The following CSGALNACT1 variants were observed in gnomAD, a reference collection of about 807,000 sequenced individuals.
The protein encoded by CSGALNACT1 is chondroitin sulfate N-acetylgalactosaminyltransferase 1, also known as beta4GalNAcT-1.
CSGALNACT1 carries 52 observed loss-of-function variants against 51.0 expected under a neutral mutation model. The observed-to-expected ratio is 1.02, with a 90% CI of 0.82 to 1.29. The LOEUF is 1.29. CSGALNACT1 is among the 50% of genes most tolerant of loss of function. CSGALNACT1 has a pLI of 0.00. For missense variants in CSGALNACT1, 935 were observed against 679.2 expected, an observed-to-expected ratio of 1.38 and a Z score of -4.19; for synonymous variants, 341 against 254.4, an observed-to-expected ratio of 1.34 and a Z score of -3.24.
At chr8:19,482,622 G>A (rs865804050) in intron 4 of CSGALNACT1, among the ~76,000 whole-genome samples, 7 of 151,930 alleles carry the variant, frequency 4.6e-5, no homozygotes, top group Non-Finnish European at 1.0e-4. Flanking sequence ...TCCCTCTTTG[G>A]CTGTTCCTTT....
At chr8:19,469,577 G>A (rs1323638680) in intron 4 of CSGALNACT1, among the ~76,000 whole-genome samples, 3 of 152,144 alleles carry the variant, frequency 2.0e-5, no homozygotes, top group Non-Finnish European at 4.4e-5. Context: ...CCTTGAAAAT[G>A]TCAAGTTTAT....
intron 1 of CSGALNACT1, among the ~76,000 whole-genome samples, chr8:19,612,248 CGA>C (rs1454308377): frequency 6.6e-6 from 1 of 151,680 alleles, no homozygotes; most frequent in East Asian, 1.9e-4. Flanking sequence ...GTGCCTGAGG[CGA>C]GAGAATTGCT....
chr8:19,661,857 C>T (rs754753114), intron 1 of CSGALNACT1, among the ~76,000 whole-genome samples: 2 of 152,146 alleles, frequency 1.3e-5, no homozygotes, highest in Non-Finnish European at 2.9e-5. Flanking sequence ...GTGTCTGGGC[C>T]TCTATGTGAA....
intron 1 of CSGALNACT1, among the ~76,000 whole-genome samples, chr8:19,647,707 T>C (rs1482503848): frequency 1.3e-5 from 2 of 152,166 alleles, no homozygotes; most frequent in African/African-American, 4.8e-5. Flanking sequence ...ATATCTTCAA[T>C]TACCCCAACA....
intron 1 of CSGALNACT1, among the ~76,000 whole-genome samples, chr8:19,623,790 A>C (rs1225218874): frequency 1.3e-5 from 2 of 152,244 alleles, no homozygotes; most frequent in African/African-American, 4.8e-5. Flanking sequence ...CGGAGGGGAA[A>C]TCTCTAAGCC....
At chr8:19,431,984 A>C (rs749573685) in intron 6 of CSGALNACT1, among the ~76,000 whole-genome samples, 1 of 152,030 alleles carries the variant, frequency 6.6e-6, no homozygotes, top group Non-Finnish European at 1.5e-5. Context: ...CTGTCTTTTA[A>C]ATCAGCACAA....
exon 4 of CSGALNACT1, chr8:19,505,743 A>G: frequency 6.2e-7 from 1 of 1,614,158 alleles, no homozygotes; most frequent in Non-Finnish European, 8.5e-7. Context: ...GCAGGCCAAC[A>G]TGTACAGGAC....
intron 3 of CSGALNACT1, among the ~76,000 whole-genome samples, chr8:19,574,033 G>T (rs141760197): frequency 2.0e-5 from 3 of 152,086 alleles, no homozygotes; most frequent in Non-Finnish European, 4.4e-5. Context: ...CAATCCTCCC[G>T]CCACAGCCTC....
upstream of CSGALNACT1, among the ~76,000 whole-genome samples, chr8:19,683,807 A>ATT (rs367931238): frequency 2.7e-5 from 4 of 148,850 alleles, no homozygotes; most frequent in South Asian, 2.1e-4. Context: ...TCAAGAAAGT[A>ATT]TTTTTTTTTT....
At chr8:19,746,189 G>A (rs7017170) in intron 1 of CSGALNACT1, among the ~76,000 whole-genome samples, 45,537 of 151,966 alleles carry the variant, frequency 0.3, 7,045 homozygotes, top group Middle Eastern at 0.43. Flanking sequence ...AAGCCCTAGC[G>A]TAGTAATATA....
intron 1 of CSGALNACT1, among the ~76,000 whole-genome samples, chr8:19,670,124 T>G (rs1401941037): frequency 2.0e-5 from 3 of 152,192 alleles, no homozygotes; most frequent in Non-Finnish European, 4.4e-5. Context: ...GCATGCAACT[T>G]CTTCCTTCTT....
intron 3 of CSGALNACT1, among the ~76,000 whole-genome samples, chr8:19,585,886 G>A (rs181328190): frequency 3.7e-4 from 56 of 152,246 alleles, no homozygotes; most frequent in Admixed American, 1.2e-3. Context: ...CCTCTTTACC[G>A]CTTCTTTACA....
At chr8:19,504,369 C>T (rs897721147) in intron 4 of CSGALNACT1, among the ~76,000 whole-genome samples, 1 of 152,204 alleles carries the variant, frequency 6.6e-6, no homozygotes, top group Non-Finnish European at 1.5e-5. Context: ...AGCCACTGCA[C>T]CCGGCCAGAT....
chr8:19,460,558 T>A (rs533579879), intron 4 of CSGALNACT1, among the ~76,000 whole-genome samples: 8 of 152,258 alleles, frequency 5.3e-5, no homozygotes, highest in African/African-American at 1.9e-4. Flanking sequence ...GAACCAAGAA[T>A]GCACCTCCCA....
chr8:19,427,474 G>A (rs568891494), intron 6 of CSGALNACT1, among the ~76,000 whole-genome samples: 5 of 152,216 alleles, frequency 3.3e-5, no homozygotes, highest in Admixed American at 2.0e-4. Context: ...GAGGCCTCCA[G>A]CATGGAGTTT....
intron 3 of CSGALNACT1, among the ~76,000 whole-genome samples, chr8:19,515,235 T>G (rs2079288991): frequency 6.6e-6 from 1 of 152,176 alleles, no homozygotes; most frequent in African/African-American, 2.4e-5. Flanking sequence ...CCTCAGCACC[T>G]GCTGTCAGGC....
intron 4 of CSGALNACT1, among the ~76,000 whole-genome samples, chr8:19,468,709 C>G (rs1157461964): frequency 6.6e-6 from 1 of 152,002 alleles, no homozygotes; most frequent in Non-Finnish European, 1.5e-5. Flanking sequence ...GAGGCTGACT[C>G]GAGTTACAGG....
At chr8:19,630,217 T>TGTGC (rs1564299383) in intron 1 of CSGALNACT1, among the ~76,000 whole-genome samples, 1 of 144,980 alleles carries the variant, frequency 6.9e-6, no homozygotes, top group Non-Finnish European at 1.5e-5. Context: ...TGTGTGTGTG[T>TGTGC]GTGTGTGTGT....
chr8:19,598,915 C>A (rs1046534652), intron 2 of CSGALNACT1, among the ~76,000 whole-genome samples: 1 of 152,108 alleles, frequency 6.6e-6, no homozygotes, highest in Non-Finnish European at 1.5e-5. Flanking sequence ...TGTTTGGTGC[C>A]TTATAAGAGC....
Sources: allele counts gnomAD v4.1 joint callset (sites outside exome capture counted in the v4.1 genomes callset), GRCh38; gene constraint gnomAD v4.1.1; transcripts MANE v1.5; gene names NCBI Gene and HGNC (gene_info 2026-07-23, HGNC 2026-07-21).